Variants in WWOX observed in about 807,000 individuals in gnomAD.
The protein encoded by WWOX is WW domain containing oxidoreductase, also known as WW domain-containing oxidoreductase.
A neutral mutation model predicts 46.2 loss-of-function variants in WWOX; 69 were observed. The observed-to-expected ratio is 1.49, with a 90% confidence interval of 1.23 to 1.82. WWOX has a LOEUF of 1.82. Ranked by LOEUF, WWOX falls within the 40% of genes most tolerant of loss-of-function variation. The pLI is 0.00. For synonymous variants in WWOX, 359 were observed against 202.6 expected, an observed-to-expected ratio of 1.77 and a Z score of -6.56; for missense variants, 919 against 542.6, an observed-to-expected ratio of 1.69 and a Z score of -6.89.
At chr16:78,797,326 C>T (rs145605416) in intron 8 of WWOX, among the ~76,000 whole-genome samples, 2 of 118,876 alleles carry the variant, frequency 1.7e-5, no homozygotes, top group African/African-American at 3.5e-5. Flanking sequence ...TCATGCAGGA[C>T]ACAAGGTATG....
intron 8 of WWOX, among the ~76,000 whole-genome samples, chr16:78,742,678 C>A (rs1015254983): frequency 2.6e-5 from 4 of 152,198 alleles, no homozygotes; most frequent in African/African-American, 9.6e-5. Flanking sequence ...TCTGCGGAGT[C>A]AGAGCGTTCT....
In WWOX at chr16:78,776,549, T is replaced by A. The variant is rs554140706; in HGVS notation, c.1056+343797T>A. 2.0e-5 allele frequency among the ~76,000 whole-genome samples: 3 copies of A among 152,334 alleles called. No individual in the cohort carries two copies. The East Asian group carries it at 5.8e-4, about 29-fold the overall frequency. ...GATGACCTGTTTAGCAGCAGCAGTG[T>A]GTGCCATACTTACCTTTATGGAATG... On this transcript the variant is annotated intron_variant, in intron 8 of 8. Transcript: ENST00000566780.
At chr16:78,970,196 C>G (rs1165146110) in intron 8 of WWOX, among the ~76,000 whole-genome samples, 1 of 152,154 alleles carries the variant, frequency 6.6e-6, no homozygotes, top group African/African-American at 2.4e-5. Context: ...TTAATGCCCC[C>G]TTTGAAAGCC....
intron 3 of WWOX, among the ~76,000 whole-genome samples, chr16:78,112,381 C>T (rs2032541362): frequency 6.6e-6 from 1 of 152,246 alleles, no homozygotes; most frequent in Admixed American, 6.5e-5. Context: ...GTAATAGTAG[C>T]TTGCTGGTAA....
At chr16:78,651,358 G>C (rs879856953) in intron 8 of WWOX, among the ~76,000 whole-genome samples, 1 of 152,228 alleles carries the variant, frequency 6.6e-6, no homozygotes, top group Non-Finnish European at 1.5e-5. Flanking sequence ...GATTGAATTA[G>C]ACTCTTAAAT....
chr16:78,902,683 C>G (rs757745637), intron 8 of WWOX, among the ~76,000 whole-genome samples: 1 of 152,238 alleles, frequency 6.6e-6, no homozygotes, highest in East Asian at 1.9e-4. Context: ...GGCAAGACCA[C>G]AGCAGCTCAG....
At chr16:78,467,762 A>G (rs1287497898) in intron 8 of WWOX, among the ~76,000 whole-genome samples, 1 of 152,218 alleles carries the variant, frequency 6.6e-6, no homozygotes, top group Admixed American at 6.5e-5. Flanking sequence ...CTTGAATTAG[A>G]CATTATAGCA....
intron 8 of WWOX, among the ~76,000 whole-genome samples, chr16:79,186,641 T>C (rs148082747): frequency 6.6e-6 from 1 of 152,148 alleles, no homozygotes; most frequent in Non-Finnish European, 1.5e-5. Context: ...CTTGAACATA[T>C]ATTCTTCGGG....
intron 8 of WWOX, among the ~76,000 whole-genome samples, chr16:78,666,343 A>G (rs1363145973): frequency 2.0e-5 from 3 of 152,132 alleles, no homozygotes; most frequent in African/African-American, 7.2e-5. Flanking sequence ...GTTACTTGTA[A>G]CTGTGTCATA....
intron 8 of WWOX, among the ~76,000 whole-genome samples, chr16:78,879,625 C>G (rs760942436): frequency 6.6e-6 from 1 of 152,156 alleles, no homozygotes; most frequent in East Asian, 1.9e-4. Context: ...CGCCTGTAAT[C>G]CCAGCGCTTT....
intron 8 of WWOX, among the ~76,000 whole-genome samples, chr16:78,629,747 T>A (rs533780943): frequency 2.6e-5 from 4 of 152,316 alleles, no homozygotes; most frequent in African/African-American, 9.6e-5. Context: ...TTCAAATGGA[T>A]CATCACTTTC....
chr16:78,515,096 C>T (rs12444884), intron 8 of WWOX, among the ~76,000 whole-genome samples: 4,097 of 152,188 alleles, frequency 0.027, 290 homozygotes, highest in Admixed American at 0.17. Context: ...TGGTGGTTCA[C>T]GCCTGTAATT....
chr16:78,469,029 G>C (rs2084156017), intron 8 of WWOX, among the ~76,000 whole-genome samples: 1 of 152,182 alleles, frequency 6.6e-6, no homozygotes. Flanking sequence ...AAGACAGATG[G>C]ATGGATAGAT....
At chr16:78,332,247 C>T (rs1340483605) in intron 5 of WWOX, among the ~76,000 whole-genome samples, 3 of 152,164 alleles carry the variant, frequency 2.0e-5, no homozygotes, top group Admixed American at 2.0e-4. Flanking sequence ...AATCCCAGAT[C>T]CCAGATGGAT....
intron 6 of WWOX, among the ~76,000 whole-genome samples, chr16:78,389,429 T>C (rs891095087): frequency 2.6e-5 from 4 of 152,170 alleles, no homozygotes; most frequent in African/African-American, 9.7e-5. Context: ...CTATTATGGA[T>C]GGCTGACTCC....
intron 5 of WWOX, among the ~76,000 whole-genome samples, chr16:78,250,596 G>A (rs182385703): frequency 6.6e-6 from 1 of 152,172 alleles, no homozygotes. Context: ...AAGGCACCAG[G>A]TTCAAGAGCT....
rs1204212295 is a variant in WWOX at position 78,955,450 on chromosome 16, C to G, written c.1057-256158C>G. Among the ~76,000 whole-genome samples, 5 of 152,132 alleles carry G rather than the reference C, an allele frequency of 3.3e-5. No individual in the cohort carries two copies. In the East Asian group the frequency reaches 9.7e-4, roughly 29 times the overall value. On this transcript the variant is annotated intron_variant, in intron 8 of 8. Coordinates refer to ENST00000566780, the MANE Select transcript of WWOX (RefSeq NM_016373.4). ...CAGAGAGCTTGGGCCAAAAGAGATTCTATTTTTACTGGAGCATGTGAGGGT... is the reference window on the plus strand; with the variant it reads ...CAGAGAGCTTGGGCCAAAAGAGATTGTATTTTTACTGGAGCATGTGAGGGT...
intron 8 of WWOX, among the ~76,000 whole-genome samples, chr16:78,932,277 C>G (rs951438591): frequency 6.6e-6 from 1 of 152,130 alleles, no homozygotes; most frequent in African/African-American, 2.4e-5. Flanking sequence ...CTGGTCCTGT[C>G]CGCAAACAGA....
chr16:78,220,762 G>A (rs913260066), intron 5 of WWOX, among the ~76,000 whole-genome samples: 4 of 152,200 alleles, frequency 2.6e-5, no homozygotes, highest in African/African-American at 9.6e-5. Context: ...GCAGTTCTGA[G>A]CTAGAATGTG....
Sources: allele counts gnomAD v4.1 joint callset (sites outside exome capture counted in the v4.1 genomes callset), GRCh38; gene constraint gnomAD v4.1.1; transcripts MANE v1.5; gene names NCBI Gene and HGNC (gene_info 2026-07-23, HGNC 2026-07-21).